The following AUTS2 variants were observed in gnomAD, a reference collection of about 807,000 sequenced individuals.
The protein encoded by AUTS2 is autism susceptibility gene 2 protein.
AUTS2 carries 17 observed loss-of-function variants against 112.4 expected under a neutral mutation model. The observed-to-expected ratio is 0.15, with a 90% CI of 0.10 to 0.23. The LOEUF is 0.23. AUTS2 is among the 10% of genes least tolerant of loss of function. AUTS2 has a pLI of 1.00. For missense variants in AUTS2, 1,510 were observed against 1,701.6 expected, an observed-to-expected ratio of 0.89 and a Z score of 1.98; for synonymous variants, 751 against 702.7, an observed-to-expected ratio of 1.07 and a Z score of -1.09.
At chr7:70,384,349 C>CA (rs1793513948) in intron 4 of AUTS2, among the ~76,000 whole-genome samples, 1 of 152,224 alleles carries the variant, frequency 6.6e-6, no homozygotes, top group South Asian at 2.1e-4. Context: ...ATTATGCCAG[C>CA]ATAAATCCAT....
intron 1 of AUTS2, among the ~76,000 whole-genome samples, chr7:69,881,623 A>G (rs1181379389): frequency 1.3e-5 from 2 of 151,922 alleles, no homozygotes; most frequent in Non-Finnish European, 2.9e-5. Flanking sequence ...TTAATTTTGG[A>G]TCTATCAGGA....
At chr7:70,727,129 G>A (rs1033250748) in intron 6 of AUTS2, among the ~76,000 whole-genome samples, 3 of 152,188 alleles carry the variant, frequency 2.0e-5, no homozygotes, top group Non-Finnish European at 4.4e-5. Flanking sequence ...CTAAGGGGAG[G>A]AAGGTTATTT....
At chr7:70,136,538 T>C (rs1411932567) in intron 4 of AUTS2, among the ~76,000 whole-genome samples, 2 of 152,192 alleles carry the variant, frequency 1.3e-5, no homozygotes, top group African/African-American at 4.8e-5. Context: ...TAAGTGGAAA[T>C]GATATGGGCA....
chr7:70,474,074 G>A (rs574882542), intron 5 of AUTS2, among the ~76,000 whole-genome samples: 6 of 152,244 alleles, frequency 3.9e-5, no homozygotes, highest in South Asian at 2.1e-4. Context: ...ATCATCTACC[G>A]TAGACCAAAC....
At chr7:69,901,060 A>C (rs1168066160) in intron 2 of AUTS2, among the ~76,000 whole-genome samples, 1 of 152,206 alleles carries the variant, frequency 6.6e-6, no homozygotes, top group Non-Finnish European at 1.5e-5. Flanking sequence ...GTTTAGACCC[A>C]GATATCTCTA....
rs117045706 is a variant in AUTS2, at chr7:69,747,095, T to C, written c.309+147133T>C. Among the ~76,000 whole-genome samples, 87 of 152,340 alleles carry C rather than the reference T, an allele frequency of 5.7e-4. 1 individual carries two copies. The East Asian group carries it at 0.016, about 28-fold the overall frequency. ...AATCCCCCAGGTGATTTGATGCCTC[T>C]TTAAAACACAGAATGTTGGGCCCTA... On this transcript the variant is annotated intron_variant, in intron 1 of 18. Transcript: ENST00000342771.
chr7:70,426,935 AT>A (rs2130768595), intron 4 of AUTS2, among the ~76,000 whole-genome samples: 1 of 149,836 alleles, frequency 6.7e-6, no homozygotes, highest in South Asian at 2.1e-4. Flanking sequence ...TTTGGGTTTT[AT>A]TAGCTTACAC....
intron 1 of AUTS2, among the ~76,000 whole-genome samples, chr7:69,712,773 G>T (rs1409264285): frequency 6.6e-6 from 1 of 152,116 alleles, no homozygotes; most frequent in Non-Finnish European, 1.5e-5. Context: ...GCAGGTGTAT[G>T]TTTAACTTTA....
At chr7:69,718,831 A>G (rs1412934616) in intron 1 of AUTS2, among the ~76,000 whole-genome samples, 1 of 152,174 alleles carries the variant, frequency 6.6e-6, no homozygotes, top group Non-Finnish European at 1.5e-5. Flanking sequence ...AGTGCCCTCT[A>G]TTAATTCTTT....
intron 1 of AUTS2, among the ~76,000 whole-genome samples, chr7:69,668,227 T>C (rs1172120003): frequency 6.6e-6 from 1 of 152,248 alleles, no homozygotes; most frequent in Non-Finnish European, 1.5e-5. Context: ...TTTGTGGTTC[T>C]GTTTTGCTAC....
intron 6 of AUTS2, among the ~76,000 whole-genome samples, chr7:70,721,540 T>C (rs1326238236): frequency 1.3e-5 from 2 of 152,180 alleles, no homozygotes; most frequent in African/African-American, 4.8e-5. Flanking sequence ...CCTCAGGTGA[T>C]CCACCCACCT....
At chr7:70,622,004 AC>A (rs1206481171) in intron 5 of AUTS2, among the ~76,000 whole-genome samples, 3 of 151,436 alleles carry the variant, frequency 2.0e-5, no homozygotes, top group African/African-American at 2.4e-5. Flanking sequence ...GCGTCACGAC[AC>A]CCGGCTAATT....
intron 4 of AUTS2, among the ~76,000 whole-genome samples, chr7:70,372,223 G>T (rs1382647988): frequency 1.3e-5 from 2 of 152,196 alleles, no homozygotes; most frequent in Non-Finnish European, 2.9e-5. Flanking sequence ...AATTCAACAT[G>T]TTCTGATGCC....
At chr7:70,758,112 A>AAT (rs1789339339) in intron 6 of AUTS2, among the ~76,000 whole-genome samples, 1 of 151,970 alleles carries the variant, frequency 6.6e-6, no homozygotes, top group African/African-American at 2.4e-5. Context: ...AAATAAGATG[A>AAT]ATATATATAT....
chr7:70,444,373 T>TGTGTGTGAGA (rs372696006), intron 5 of AUTS2, among the ~76,000 whole-genome samples: 40 of 142,434 alleles, frequency 2.8e-4, no homozygotes, highest in African/African-American at 9.4e-4. Context: ...TGTGTGTGTG[T>TGTGTGTGAGA]GAGAGAGAGA....
intron 2 of AUTS2, among the ~76,000 whole-genome samples, chr7:69,998,958 C>G (rs1233709511): frequency 3.3e-5 from 5 of 152,136 alleles, no homozygotes; most frequent in African/African-American, 1.2e-4. Context: ...CTGCCAGTGT[C>G]AAGTTCCTGG....
chr7:70,183,001 T>C (rs929471388), intron 4 of AUTS2, among the ~76,000 whole-genome samples: 7 of 152,142 alleles, frequency 4.6e-5, no homozygotes, highest in Non-Finnish European at 1.0e-4. Flanking sequence ...CCGAGTCCAC[T>C]GTGTCCGCGT....
chr7:70,082,017 T>C lies in AUTS2; in HGVS notation c.523-36115T>C, dbSNP rs186295819. ...TAGATTTTTCTGTGAAGAGTGTGTG[T>C]GCCTGTGTGTGTGTTTAAAATTTAG... On this transcript the variant is annotated intron_variant, in intron 2 of 18. Transcript: ENST00000342771. 1.3e-4 allele frequency among the ~76,000 whole-genome samples: 20 copies of C among 151,940 alleles called. No individual in the cohort carries two copies. In the East Asian group the frequency reaches 3.9e-3, roughly 29 times the overall value.
intron 1 of AUTS2, among the ~76,000 whole-genome samples, chr7:69,673,060 A>T (rs1050185663): frequency 6.6e-6 from 1 of 152,198 alleles, no homozygotes; most frequent in African/African-American, 2.4e-5. Context: ...GATTCAAATC[A>T]TGGTAAATGC....
Sources: gnomAD v4.1 joint callset for allele counts (sites outside exome capture counted in the v4.1 genomes callset) on GRCh38, gnomAD v4.1.1 for gene constraint, MANE v1.5 for transcripts, NCBI Gene and HGNC (gene_info 2026-07-23, HGNC 2026-07-21) for gene names.